The following XKR4 variants were observed in gnomAD, a reference collection of about 807,000 sequenced individuals.
XKR4 encodes XK related 4.
Under a neutral mutation model 53.9 loss-of-function variants are expected in XKR4, and 12 were observed. The observed-to-expected ratio is 0.22, with a 90% CI of 0.14 to 0.36. The LOEUF is 0.36. Among genes scored for constraint, XKR4 ranks in the 10% least tolerant of loss-of-function variants. XKR4 has a pLI of 1.00. For missense variants in XKR4, 799 were observed against 859.5 expected (o/e 0.93, Z 0.88); for synonymous variants, 354 against 362.4 (o/e 0.98, Z 0.26).
At chr8:55,490,934 C>A (rs561753079) in intron 2 of XKR4, among the ~76,000 whole-genome samples, 1 of 151,806 alleles carries the variant, frequency 6.6e-6, no homozygotes, top group African/African-American at 2.4e-5. Context: ...TTTTCTGCCC[C>A]CCCCCCACCT....
chr8:55,515,607 T>C (rs1585615062), intron 2 of XKR4, among the ~76,000 whole-genome samples: 1 of 152,208 alleles, frequency 6.6e-6, no homozygotes, highest in Non-Finnish European at 1.5e-5. Flanking sequence ...CTGTCTTTCC[T>C]CAGGCAAAAA....
chr8:55,502,398 TTTAAG>T (rs1445315462), intron 2 of XKR4, among the ~76,000 whole-genome samples: 1 of 152,206 alleles, frequency 6.6e-6, no homozygotes, highest in African/African-American at 2.4e-5. Flanking sequence ...TCTTTTTTTT[TTTAAG>T]TAATAGCCAT....
intron 1 of XKR4, among the ~76,000 whole-genome samples, chr8:55,313,123 A>G (rs1819411160): frequency 6.6e-6 from 1 of 152,196 alleles, no homozygotes; most frequent in Non-Finnish European, 1.5e-5. Context: ...AAACCATAGA[A>G]GTAAAAAGTG....
intron 1 of XKR4, among the ~76,000 whole-genome samples, chr8:55,186,015 T>C (rs1817372519): frequency 2.0e-5 from 3 of 152,178 alleles, no homozygotes; most frequent in Admixed American, 2.0e-4. Flanking sequence ...AGAAAATACT[T>C]CATATTTACA....
chr8:55,343,872 A>G (rs1378057327), intron 1 of XKR4, among the ~76,000 whole-genome samples: 1 of 152,246 alleles, frequency 6.6e-6, no homozygotes, highest in East Asian at 1.9e-4. Context: ...AATTATAATG[A>G]GACAATAATG....
chr8:55,522,501 A>C (rs1483907286), intron 2 of XKR4, among the ~76,000 whole-genome samples: 1 of 152,240 alleles, frequency 6.6e-6, no homozygotes, highest in Non-Finnish European at 1.5e-5. Flanking sequence ...TTAAGAATGC[A>C]TAAACTGTCT....
chr8:55,103,891 A>C (rs1051114326), intron 1 of XKR4, among the ~76,000 whole-genome samples: 11 of 123,184 alleles, frequency 8.9e-5, no homozygotes, highest in South Asian at 2.6e-4. Flanking sequence ...ATATATATAT[A>C]TATCCCCGAG....
intron 2 of XKR4, among the ~76,000 whole-genome samples, chr8:55,507,807 A>G (rs1229677215): frequency 6.6e-6 from 1 of 152,202 alleles, no homozygotes; most frequent in Non-Finnish European, 1.5e-5. Flanking sequence ...CGCAATAAAC[A>G]TACGTGTGCA....
intron 2 of XKR4, among the ~76,000 whole-genome samples, chr8:55,470,129 G>A (rs1006075844): frequency 1.3e-5 from 2 of 152,090 alleles, no homozygotes; most frequent in Non-Finnish European, 2.9e-5. Flanking sequence ...AATATAAAAA[G>A]ATAAGTAATG....
chr8:55,296,048 A>G (rs1313851756), intron 1 of XKR4, among the ~76,000 whole-genome samples: 1 of 152,164 alleles, frequency 6.6e-6, no homozygotes, highest in Non-Finnish European at 1.5e-5. Context: ...AGTTGGGATC[A>G]ATGGTCTAAA....
At chr8:55,472,226 G>A (rs1246692257) in intron 2 of XKR4, among the ~76,000 whole-genome samples, 2 of 152,020 alleles carry the variant, frequency 1.3e-5, no homozygotes, top group African/African-American at 4.8e-5. Context: ...AGGAATGGAG[G>A]GGATAGGTAG....
chr8:55,258,288 A>T (rs1246454390), intron 1 of XKR4, among the ~76,000 whole-genome samples: 1 of 152,198 alleles, frequency 6.6e-6, no homozygotes, highest in Non-Finnish European at 1.5e-5. Flanking sequence ...TCACGTGTAG[A>T]GGAGGAGCCC....
intron 2 of XKR4, among the ~76,000 whole-genome samples, chr8:55,482,061 A>G (rs1806117561): frequency 1.3e-5 from 2 of 152,202 alleles, no homozygotes; most frequent in African/African-American, 2.4e-5. Flanking sequence ...TACCCAAAGG[A>G]TTATAAATCA....
At chr8:55,266,966 T>A (rs1818612418) in intron 1 of XKR4, among the ~76,000 whole-genome samples, 1 of 152,186 alleles carries the variant, frequency 6.6e-6, no homozygotes. Flanking sequence ...CAAAATGAAT[T>A]CACGACCTCT....
chr8:55,135,499 G>A (rs1358192265), intron 1 of XKR4: 1 of 423,182 alleles, frequency 2.4e-6, no homozygotes, highest in African/African-American at 2.0e-5. Flanking sequence ...TTCACTCTTT[G>A]TCCATCTGTA....
chr8:55,283,591 G>A (rs1342191539), intron 1 of XKR4, among the ~76,000 whole-genome samples: 1 of 152,224 alleles, frequency 6.6e-6, no homozygotes, highest in African/African-American at 2.4e-5. Context: ...CATTCTGACA[G>A]CCAGGGCTAT....
At chr8:55,253,184 C>T (rs1481139008) in intron 1 of XKR4, among the ~76,000 whole-genome samples, 2 of 152,110 alleles carry the variant, frequency 1.3e-5, no homozygotes, top group Non-Finnish European at 2.9e-5. Flanking sequence ...ACTTACTATG[C>T]TATGCCTTTT....
chr8:55,426,868 C>G (rs1805023938), intron 2 of XKR4, among the ~76,000 whole-genome samples: 1 of 152,128 alleles, frequency 6.6e-6, no homozygotes, highest in African/African-American at 2.4e-5. Flanking sequence ...GAATAGTGTT[C>G]CTCAATCAGA....
At chr8:55,108,411 A>C (rs529536539) in intron 1 of XKR4, among the ~76,000 whole-genome samples, 86 of 152,286 alleles carry the variant, frequency 5.6e-4, no homozygotes, top group African/African-American at 1.9e-3. Flanking sequence ...GGAATGGCAG[A>C]AAGTTGAAAG....
Sources: gnomAD v4.1 joint callset for allele counts (sites outside exome capture counted in the v4.1 genomes callset) on GRCh38, gnomAD v4.1.1 for gene constraint, MANE v1.5 for transcripts, NCBI Gene and HGNC (gene_info 2026-07-23, HGNC 2026-07-21) for gene names.